Variants in SLC44A5 observed in about 807,000 individuals in gnomAD.
SLC44A5 encodes the protein solute carrier family 44 member 5.
Under a neutral mutation model 101.8 loss-of-function variants are expected in SLC44A5, and 57 were observed. The observed-to-expected ratio is 0.56, with a 90% CI of 0.45 to 0.70. The LOEUF (loss-of-function observed/expected upper bound fraction) is 0.70. Among genes scored for constraint, SLC44A5 ranks in the 30% least tolerant of loss-of-function variants. SLC44A5 has a pLI of 0.00. For synonymous variants in SLC44A5, 281 were observed against 290.9 expected, an observed-to-expected ratio of 0.97 and a Z score of 0.35; for missense variants, 737 against 853.1, an observed-to-expected ratio of 0.86 and a Z score of 1.70.
intron 2 of SLC44A5, among the ~76,000 whole-genome samples, chr1:75,499,680 C>T (rs1488454984): frequency 1.3e-5 from 2 of 152,192 alleles, no homozygotes; most frequent in Non-Finnish European, 2.9e-5. Context: ...TCTTTGACTA[C>T]CCTATCTCTT....
chr1:75,302,138 G>GTTTTTTTTTTTTTTTTTTT (rs1570618479), intron 4 of SLC44A5, among the ~76,000 whole-genome samples: 1 of 21,668 alleles, frequency 4.6e-5, no homozygotes, highest in African/African-American at 1.8e-4. Context: ...TTTTTTTTTG[G>GTTTTTTTTTTTTTTTTTTT]TTAACAACCA....
chr1:75,548,804 T>C (rs1183737110), intron 1 of SLC44A5, among the ~76,000 whole-genome samples: 2 of 152,138 alleles, frequency 1.3e-5, no homozygotes, highest in Non-Finnish European at 2.9e-5. Context: ...ATGAAGAAAT[T>C]GATACAAAGA....
chr1:75,397,658 G>A (rs970653245), intron 2 of SLC44A5, among the ~76,000 whole-genome samples: 5 of 151,894 alleles, frequency 3.3e-5, no homozygotes, highest in African/African-American at 4.8e-5. Context: ...TACAATAATC[G>A]GTTCACTTCT....
chr1:75,591,823 A>C (rs1397083902), intron 1 of SLC44A5, among the ~76,000 whole-genome samples: 1 of 105,140 alleles, frequency 9.5e-6, no homozygotes, highest in African/African-American at 3.8e-5. Flanking sequence ...ATAACAGTCA[A>C]CATCCTTTCA....
chr1:75,326,262 C>CTT lies in SLC44A5; in HGVS notation c.101+13318_101+13319dup, dbSNP rs35059170. ...AGACACCTTGCTTCTATTCTTACTG[C>CTT]TTTTTTTTTTTTTCTCATTTGGAAT... On this transcript the variant is annotated intron_variant, in intron 4 of 23. Coordinates refer to ENST00000370859, the MANE Select transcript of SLC44A5 (RefSeq NM_001130058.2). 1.0e-4 allele frequency among the ~76,000 whole-genome samples: 15 copies of CTT among 144,076 alleles called. No individual in the cohort carries two copies. In the South Asian group the frequency reaches 1.7e-3, roughly 17 times the overall value. The allele number at this position is 144,076 out of a possible 152,430, so 94.5% of individuals were successfully genotyped here.
intron 2 of SLC44A5, among the ~76,000 whole-genome samples, chr1:75,413,342 T>C (rs1368199909): frequency 6.6e-6 from 1 of 152,174 alleles, no homozygotes; most frequent in African/African-American, 2.4e-5. Context: ...AAGCATATTT[T>C]AGAGTTTGCT....
chr1:75,676,551 T>C, the SLC44A5 span, among the ~76,000 whole-genome samples: 3 of 151,884 alleles, frequency 2.0e-5, no homozygotes, highest in African/African-American at 7.3e-5. Context: ...TGGGAAAAAA[T>C]GTTGGAAGGG....
At chr1:75,526,710 G>T (rs1277112290) in intron 2 of SLC44A5, among the ~76,000 whole-genome samples, 1 of 152,124 alleles carries the variant, frequency 6.6e-6, no homozygotes, top group Non-Finnish European at 1.5e-5. Context: ...CCTTTAATAT[G>T]CAATTAAGAA....
intron 6 of SLC44A5, among the ~76,000 whole-genome samples, chr1:75,252,316 G>A (rs1649645283): frequency 6.6e-6 from 1 of 152,124 alleles, no homozygotes; most frequent in Admixed American, 6.6e-5. Flanking sequence ...AATGTAATGG[G>A]CTATTGAGCA....
chr1:75,700,841 C>T, the SLC44A5 span, among the ~76,000 whole-genome samples: 1 of 152,144 alleles, frequency 6.6e-6, no homozygotes, highest in Non-Finnish European at 1.5e-5. Context: ...ACCAATCACA[C>T]AGAAATACAA....
intron 4 of SLC44A5, among the ~76,000 whole-genome samples, chr1:75,318,387 GA>G (rs1655870206): frequency 2.5e-5 from 3 of 119,482 alleles, no homozygotes; most frequent in Non-Finnish European, 5.7e-5. Flanking sequence ...AAGAAAGAAA[GA>G]AAGAAAGAAA....
chr1:75,544,347 G>C (rs1671527670), intron 1 of SLC44A5, among the ~76,000 whole-genome samples: 2 of 152,118 alleles, frequency 1.3e-5, no homozygotes, highest in African/African-American at 2.4e-5. Flanking sequence ...CTATGTTTCT[G>C]TTTATTATAA....
intron 19 of SLC44A5, among the ~76,000 whole-genome samples, chr1:75,215,240 A>G (rs1298350592): frequency 1.6e-5 from 2 of 129,000 alleles, no homozygotes; most frequent in Non-Finnish European, 3.2e-5. Context: ...TAGAAGAATT[A>G]TATTTCTGGA....
At chr1:75,638,873 A>G in the SLC44A5 span, among the ~76,000 whole-genome samples, 3 of 152,200 alleles carry the variant, frequency 2.0e-5, no homozygotes, top group South Asian at 2.1e-4. Context: ...AAACATCAGA[A>G]TGTAGATATC....
intron 4 of SLC44A5, among the ~76,000 whole-genome samples, chr1:75,301,288 T>G (rs1654431963): frequency 6.6e-6 from 1 of 152,158 alleles, no homozygotes; most frequent in Non-Finnish European, 1.5e-5. Context: ...GAAATCTGAC[T>G]CACAGAGAGT....
intron 5 of SLC44A5, among the ~76,000 whole-genome samples, chr1:75,283,139 C>T (rs1392319687): frequency 6.7e-6 from 1 of 149,420 alleles, no homozygotes; most frequent in Non-Finnish European, 1.5e-5. Context: ...TAAAATATTC[C>T]CTTTTCATCA....
chr1:75,230,297 G>A (rs1447038280), intron 12 of SLC44A5, among the ~76,000 whole-genome samples: 1 of 151,766 alleles, frequency 6.6e-6, no homozygotes. Flanking sequence ...ACCCAGGCTG[G>A]AGTGCAGTGG....
intron 2 of SLC44A5, among the ~76,000 whole-genome samples, chr1:75,413,817 C>G (rs887178185): frequency 6.6e-6 from 1 of 152,148 alleles, no homozygotes; most frequent in African/African-American, 2.4e-5. Flanking sequence ...TACTCTGTTC[C>G]TCTATGCCAA....
chr1:75,557,053 T>C (rs1218844536), intron 1 of SLC44A5, among the ~76,000 whole-genome samples: 2 of 152,114 alleles, frequency 1.3e-5, no homozygotes, highest in Non-Finnish European at 2.9e-5. Context: ...CTGTGTTACA[T>C]GGTCACCCCT....
Sources: allele counts gnomAD v4.1 joint callset (sites outside exome capture counted in the v4.1 genomes callset), GRCh38; gene constraint gnomAD v4.1.1; transcripts MANE v1.5; gene names NCBI Gene and HGNC (gene_info 2026-07-23, HGNC 2026-07-21).